The following SGMS1 variants were observed in gnomAD, a reference collection of about 807,000 sequenced individuals.
SGMS1 encodes the protein sphingomyelin synthase 1.
A neutral mutation model predicts 46.2 loss-of-function variants in SGMS1; 13 were observed. The ratio of observed to expected loss-of-function variants is 0.28; its 90% CI spans 0.18 to 0.45. The LOEUF is 0.45. Ranked by LOEUF, SGMS1 falls within the 20% of genes least tolerant of loss-of-function variation. The pLI is 1.00. For synonymous variants in SGMS1, 203 were observed against 187.8 expected, an observed-to-expected ratio of 1.08 and a Z score of -0.66; for missense variants, 324 against 519.9, an observed-to-expected ratio of 0.62 and a Z score of 3.66.
chr10:50,527,662 A>G (rs949552518), intron 2 of SGMS1, among the ~76,000 whole-genome samples: 1 of 152,218 alleles, frequency 6.6e-6, no homozygotes, highest in Non-Finnish European at 1.5e-5. Context: ...TTTGTGGGTT[A>G]CTTGTGCTAT....
At chr10:50,369,358 T>G (rs1848398299) in intron 6 of SGMS1, among the ~76,000 whole-genome samples, 1 of 151,914 alleles carries the variant, frequency 6.6e-6, no homozygotes, top group Non-Finnish European at 1.5e-5. Context: ...ATTGGCCCAG[T>G]GTGATGGCAC....
rs565809779 is a variant in SGMS1, at chr10:50,311,028, C to G, written c.895+234G>C. Among the ~76,000 whole-genome samples the G allele has an allele frequency of 2.0e-5, 3 of 152,340 alleles. No individual in the cohort carries two copies. In the East Asian group the frequency reaches 5.8e-4, roughly 29 times the overall value. ...CTGCAGGCTGTGCTTGGAACTGCCTCCACCCCAGTACTACAGATGACACTC... is the reference window on the plus strand; with the variant it reads ...CTGCAGGCTGTGCTTGGAACTGCCTGCACCCCAGTACTACAGATGACACTC... On this transcript the variant is annotated intron_variant, in intron 9 of 10. Coordinates refer to ENST00000361781, the MANE Select transcript of SGMS1 (RefSeq NM_147156.4).
intron 6 of SGMS1, among the ~76,000 whole-genome samples, chr10:50,350,475 G>A (rs146480370): frequency 0.012 from 1,819 of 152,264 alleles, 33 homozygotes; most frequent in African/African-American, 0.041. Context: ...AGGACAATGG[G>A]GGAAATGTCT....
At chr10:50,380,179 G>A (rs1338418656) in intron 6 of SGMS1, among the ~76,000 whole-genome samples, 1 of 151,992 alleles carries the variant, frequency 6.6e-6, no homozygotes, top group East Asian at 1.9e-4. Flanking sequence ...TCAGATGTTT[G>A]AGACCAGCCT....
chr10:50,502,322 A>T (rs898513844), intron 3 of SGMS1, among the ~76,000 whole-genome samples: 1 of 151,468 alleles, frequency 6.6e-6, no homozygotes, highest in African/African-American at 2.4e-5. Context: ...AAAAAAAAAA[A>T]ACCAGCACAG....
chr10:50,563,765 A>T (rs962243376), intron 2 of SGMS1, among the ~76,000 whole-genome samples: 11 of 150,826 alleles, frequency 7.3e-5, no homozygotes, highest in Admixed American at 1.3e-4. Flanking sequence ...AAAAAAAAAA[A>T]AGAAACTCTT....
chr10:50,623,568 G>C (rs1172607131), intron 1 of SGMS1, 139 bp downstream of exon 1: 1 of 984,480 alleles, frequency 1.0e-6, no homozygotes, highest in African/African-American at 1.8e-5. Flanking sequence ...GCGCGGCACC[G>C]CGCGGGCTGC....
At chr10:50,578,181 C>A (rs892557999) in intron 2 of SGMS1, among the ~76,000 whole-genome samples, 2 of 152,210 alleles carry the variant, frequency 1.3e-5, no homozygotes, top group African/African-American at 2.4e-5. Flanking sequence ...TTTACCTGTT[C>A]TCTGATGGTC....
At chr10:50,560,448 T>C (rs1013093452) in intron 2 of SGMS1, among the ~76,000 whole-genome samples, 23 of 140,136 alleles carry the variant, frequency 1.6e-4, no homozygotes, top group Admixed American at 1.3e-3. Flanking sequence ...ATGTATATAA[T>C]ATATACATAA....
chr10:50,391,201 A>C (rs566242148), intron 6 of SGMS1, among the ~76,000 whole-genome samples: 1 of 152,350 alleles, frequency 6.6e-6, no homozygotes, highest in South Asian at 2.1e-4. Flanking sequence ...TAAAAGAGAA[A>C]GGACTTCTAG....
chr10:50,540,841 G>T (rs983138535), intron 2 of SGMS1, among the ~76,000 whole-genome samples: 1 of 152,152 alleles, frequency 6.6e-6, no homozygotes, highest in African/African-American at 2.4e-5. Context: ...GCTTTTAGGG[G>T]AAGGAGGTGA....
At position 50,365,255 on chromosome 10, in the gene SGMS1, C is replaced by CAAAAAAAAAAAAAAAAAAAAAAAAAA. The variant is rs67951872; in HGVS notation, c.-231-20911_-231-20910insTTTTTTTTTTTTTTTTTTTTTTTTTT. 4.1e-3 allele frequency among the ~76,000 whole-genome samples: 186 copies of CAAAAAAAAAAAAAAAAAAAAAAAAAA among 45,036 alleles called. 12 individuals carry two copies. Among genetic ancestry groups the CAAAAAAAAAAAAAAAAAAAAAAAAAA allele is most frequent in the Non-Finnish European group, 5.9e-3 (138 of 23,374 alleles). 29.5% of individuals were successfully genotyped at this position (45,036 alleles called of 152,430 possible). On this transcript the variant is annotated intron_variant, in intron 6 of 10. Transcript: ENST00000361781. ...GCGACGGAGTGAGACTCCATCTCAC[C>CAAAAAAAAAAAAAAAAAAAAAAAAAA]AAAAAAAAAAAAAAAAAAAAAAAGC...
intron 6 of SGMS1, among the ~76,000 whole-genome samples, chr10:50,408,907 AC>A (rs1359303553): frequency 6.6e-6 from 1 of 151,750 alleles, no homozygotes; most frequent in Non-Finnish European, 1.5e-5. Context: ...GATTATAACA[AC>A]CCCTAGCCTG....
At chr10:50,435,901 G>A (rs992995421) in intron 5 of SGMS1, among the ~76,000 whole-genome samples, 2 of 152,212 alleles carry the variant, frequency 1.3e-5, no homozygotes, top group Admixed American at 6.5e-5. Flanking sequence ...CAGTGATGCT[G>A]ACTGCTCAGA....
intron 7 of SGMS1, among the ~76,000 whole-genome samples, chr10:50,334,325 T>C (rs1260854776): frequency 6.6e-6 from 1 of 152,236 alleles, no homozygotes; most frequent in African/African-American, 2.4e-5. Context: ...TGTGTACATA[T>C]ATGTGTGTAT....
intron 6 of SGMS1, among the ~76,000 whole-genome samples, chr10:50,387,397 T>A (rs1189063580): frequency 6.6e-6 from 1 of 152,136 alleles, no homozygotes; most frequent in African/African-American, 2.4e-5. Context: ...AAATCAAAGA[T>A]CCGATTTATA....
chr10:50,597,676 G>A (rs983879484), intron 1 of SGMS1, among the ~76,000 whole-genome samples: 6 of 152,150 alleles, frequency 3.9e-5, no homozygotes, highest in Admixed American at 3.3e-4. Context: ...TGTTCCGTAT[G>A]CTGTTTGTAG....
At chr10:50,525,077 T>C (rs1235466766) in intron 2 of SGMS1, among the ~76,000 whole-genome samples, 1 of 152,182 alleles carries the variant, frequency 6.6e-6, no homozygotes, top group African/African-American at 2.4e-5. Flanking sequence ...ATTTTCTTAC[T>C]AGGGATTAGA....
At chr10:50,603,482 G>A (rs1455960421) in intron 1 of SGMS1, among the ~76,000 whole-genome samples, 3 of 152,136 alleles carry the variant, frequency 2.0e-5, no homozygotes, top group African/African-American at 7.2e-5. Flanking sequence ...ACAAAGGAGT[G>A]GATCTTACAC....
Sources: gnomAD v4.1 joint callset for allele counts (sites outside exome capture counted in the v4.1 genomes callset) on GRCh38, gnomAD v4.1.1 for gene constraint, MANE v1.5 for transcripts, NCBI Gene and HGNC (gene_info 2026-07-23, HGNC 2026-07-21) for gene names.